RUFY2: variants seen among roughly 807,000 people sequenced by gnomAD.
RUFY2 encodes RUN and FYVE domain containing 2.
In RUFY2, 49 loss-of-function variants were observed where a neutral mutation model predicts 94.4. The observed-to-expected ratio is 0.52, with a 90% CI of 0.41 to 0.66. The LOEUF is 0.66. Ranked by LOEUF, RUFY2 falls within the 30% of genes least tolerant of loss-of-function variation. The pLI, the probability that RUFY2 is intolerant of heterozygous loss-of-function variation, is 0.00. For synonymous variants in RUFY2, 255 were observed against 235.7 expected, an observed-to-expected ratio of 1.08 and a Z score of -0.75; for missense variants, 541 against 692.8, an observed-to-expected ratio of 0.78 and a Z score of 2.46.
In RUFY2 at chr10:68,353,088, T is replaced by G. The variant is rs1379176566; in HGVS notation, c.1599+2265A>C. ...TGGCTCACACCTGTAAGCCCAGCAC[T>G]TTGGGAGGCCGAGGCAGGTGCATCA... On this transcript the variant is annotated intron_variant, in intron 16 of 17. Coordinates refer to ENST00000602465, the MANE Select transcript of RUFY2 (RefSeq NM_001330103.2). Among the ~76,000 whole-genome samples the G allele has an allele frequency of 3.9e-5, 6 of 152,020 alleles. No homozygotes were observed. The South Asian group carries it at 1.2e-3, about 32-fold the overall frequency.
intron 1 of RUFY2, chr10:68,406,664 G>A (rs1206864257): frequency 8.0e-7 from 1 of 1,249,570 alleles, no homozygotes; most frequent in Non-Finnish European, 1.1e-6. Flanking sequence ...GGGGCCTAGA[G>A]CCCCTTCCCT....
rs1564855884 is a variant in RUFY2, at chr10:68,401,753, CA to C, written c.179-17del. On this transcript the variant is annotated splice_polypyrimidine_tract_variant and intron_variant, in intron 2 of 17. Transcript: ENST00000602465. Reference sequence around the variant, plus strand: ...GATTTTCTTACTGAAAAAAAGAACACATAATGCACACAATGTCAACATAAAA... The same window carrying C: ...GATTTTCTTACTGAAAAAAAGAACACTAATGCACACAATGTCAACATAAAA... 7.2e-7 allele frequency: 1 copy of C among 1,390,158 alleles called. No individual in the cohort carries two copies. The highest frequency in any genetic ancestry group is 1.7e-5 in the Admixed American group (1 of 59,478). 86.1% of individuals were successfully genotyped at this position (1,390,158 alleles called of 1,614,324 possible).
At chr10:68,368,861 C>A (rs1285876531) in intron 13 of RUFY2, among the ~76,000 whole-genome samples, 1 of 152,134 alleles carries the variant, frequency 6.6e-6, no homozygotes, top group African/African-American at 2.4e-5. Flanking sequence ...CCAAGTGGAG[C>A]TGTTCCCGGG....
intron 13 of RUFY2, among the ~76,000 whole-genome samples, chr10:68,374,643 CT>C (rs2132653970): frequency 6.6e-6 from 1 of 152,248 alleles, no homozygotes; most frequent in South Asian, 2.1e-4. Flanking sequence ...CAGAGAAGAA[CT>C]TAACACTTCA....
chr10:68,363,689 A>T lies in RUFY2; in HGVS notation c.1456-5T>A. ...ATCCTGGAGGTTAAGGAACTCCTTC[A>T]GAACAATAAAAGACAGAAAATGAAA... On this transcript the variant is annotated splice_polypyrimidine_tract_variant and splice_region_variant and intron_variant, in intron 14 of 17. Transcript: ENST00000602465. The T allele has an allele frequency of 6.5e-7, 1 of 1,538,146 alleles. No homozygotes were observed. Among genetic ancestry groups the T allele is most frequent in the Non-Finnish European group, 8.8e-7 (1 of 1,133,094 alleles).
At position 68,355,346 on chromosome 10, in the gene RUFY2, T is replaced by C. The variant is rs1400628748; in HGVS notation, c.1599+7A>G. ...ACCTTCCCACTTTAGGAAAACGTTC[T>C]ACTCACCTGCAATGCTTTGTTGGCT... On this transcript the variant is annotated splice_region_variant and intron_variant, in intron 16 of 17. Transcript: ENST00000602465. 1 of 1,607,242 alleles carries C rather than the reference T, an allele frequency of 6.2e-7. No individual in the cohort carries two copies. The highest frequency in any genetic ancestry group is 8.5e-7 in the Non-Finnish European group (1 of 1,174,500).
downstream of RUFY2, chr10:68,342,528 C>A: frequency 6.5e-6 from 1 of 152,800 alleles, no homozygotes. Context: ...GATGAAGTGG[C>A]TTCAGGAGTA....
chr10:68,348,901 C>T (rs2046464523), intron 16 of RUFY2, among the ~76,000 whole-genome samples: 1 of 152,196 alleles, frequency 6.6e-6, no homozygotes, highest in African/African-American at 2.4e-5. Flanking sequence ...TAGAACGGAA[C>T]AACCTCTTGC....
chr10:68,392,490 A>G (rs992320027), intron 7 of RUFY2, among the ~76,000 whole-genome samples: 2 of 152,318 alleles, frequency 1.3e-5, no homozygotes, highest in East Asian at 3.9e-4. Flanking sequence ...CCACATTTAC[A>G]TATGAAGCCC....
chr10:68,377,026 A>G, intron 12 of RUFY2, 54 bp from the exon 13 acceptor site: 2 of 1,603,748 alleles, frequency 1.2e-6, no homozygotes, highest in Non-Finnish European at 1.7e-6. Context: ...CTAGGGTGTA[A>G]AAGGGTGAAG....
chr10:68,388,605 A>G (rs1299574774), intron 7 of RUFY2, among the ~76,000 whole-genome samples: 3 of 152,242 alleles, frequency 2.0e-5, no homozygotes, highest in African/African-American at 7.2e-5. Flanking sequence ...AGGAGGCCAC[A>G]GTGGGTGGAT....
At chr10:68,379,567 G>C in intron 11 of RUFY2, 46 bp from the exon 12 acceptor site, 1 of 1,345,296 alleles carries the variant, frequency 7.4e-7, no homozygotes, top group Non-Finnish European at 1.1e-6. Flanking sequence ...TTGTGTGTGT[G>C]TGTTTGTGTG....
intron 15 of RUFY2, among the ~76,000 whole-genome samples, chr10:68,361,415 T>C (rs2047456660): frequency 6.6e-6 from 1 of 152,230 alleles, no homozygotes; most frequent in African/African-American, 2.4e-5. Context: ...ATTGTGAGGA[T>C]TGCTCACTGT....
intron 16 of RUFY2, among the ~76,000 whole-genome samples, chr10:68,348,975 C>CCCTA (rs1334330926): frequency 6.9e-6 from 1 of 144,478 alleles, no homozygotes; most frequent in African/African-American, 2.5e-5. Flanking sequence ...GACTTACACC[C>CCCTA]CCTAGATAGG....
intron 11 of RUFY2, among the ~76,000 whole-genome samples, chr10:68,380,964 C>T (rs1048954043): frequency 7.2e-5 from 11 of 152,196 alleles, no homozygotes; most frequent in African/African-American, 2.2e-4. Context: ...TTCACAAAAA[C>T]GTTTTGCAGT....
chr10:68,373,367 T>C (rs1457808567), intron 13 of RUFY2, among the ~76,000 whole-genome samples: 1 of 152,110 alleles, frequency 6.6e-6, no homozygotes, highest in Non-Finnish European at 1.5e-5. Context: ...AAAAACAAAT[T>C]AAACAATAAA....
At chr10:68,406,912 C>A in intron 1 of RUFY2, 1 of 1,571,094 alleles carries the variant, frequency 6.4e-7, no homozygotes, top group Non-Finnish European at 8.6e-7. Context: ...CTGCCTGGCC[C>A]TGTCCTCGCT....
At chr10:68,345,959 A>C in intron 17 of RUFY2, 48 bp from the exon 18 acceptor site, 1 of 1,612,168 alleles carries the variant, frequency 6.2e-7, no homozygotes, top group Non-Finnish European at 8.5e-7. Flanking sequence ...AAATAAAATT[A>C]GCATTTTTGC....
chr10:68,351,090 G>T, intron 16 of RUFY2, among the ~76,000 whole-genome samples: 1 of 143,972 alleles, frequency 6.9e-6, no homozygotes, highest in South Asian at 2.2e-4. Context: ...TTTACATAAT[G>T]ATGGTTTTGG....
Sources: allele counts gnomAD v4.1 joint callset (sites outside exome capture counted in the v4.1 genomes callset), GRCh38; gene constraint gnomAD v4.1.1; transcripts MANE v1.5; gene names NCBI Gene and HGNC (gene_info 2026-07-23, HGNC 2026-07-21).